The following VRK2 variants were observed in gnomAD, a reference collection of about 807,000 sequenced individuals.
The protein encoded by VRK2 is VRK serine/threonine kinase 2.
VRK2 carries 60 observed loss-of-function variants against 57.6 expected under a neutral mutation model. That is an observed-to-expected ratio of 1.04 (90% CI 0.85 to 1.29). The LOEUF (loss-of-function observed/expected upper bound fraction) is 1.29, where lower values mean the gene tolerates loss of function less well. VRK2 is among the 50% of genes most tolerant of loss of function. VRK2 has a pLI of 0.00. For synonymous variants in VRK2, 231 were observed against 199.2 expected (o/e 1.16, Z -1.35); for missense variants, 705 against 588.1 (o/e 1.20, Z -2.06).
intron 9 of VRK2, 120 bp from the exon 10 acceptor site, chr2:58,135,021 A>G: frequency 9.5e-7 from 1 of 1,047,342 alleles, no homozygotes; most frequent in Non-Finnish European, 1.4e-6. Flanking sequence ...GTGACAAAAA[A>G]AAAAGCATTG....
intron 11 of VRK2, among the ~76,000 whole-genome samples, chr2:58,144,163 A>G (rs1361423383): frequency 6.6e-6 from 1 of 151,862 alleles, no homozygotes; most frequent in Non-Finnish European, 1.5e-5. Context: ...ATACTGTATG[A>G]TCTCATTTAT....
intron 1 of VRK2, among the ~76,000 whole-genome samples, chr2:57,918,074 G>A (rs1234216020): frequency 6.6e-6 from 1 of 152,128 alleles, no homozygotes; most frequent in East Asian, 1.9e-4. Context: ...ATTCCAGCAT[G>A]TGAAGCTTAA....
chr2:58,047,081 C>G, intron 1 of VRK2: 1 of 685,724 alleles, frequency 1.5e-6, no homozygotes, highest in Non-Finnish European at 1.8e-6. Flanking sequence ...CAAGGCGTCC[C>G]CTTCTACTCA....
upstream of VRK2, among the ~76,000 whole-genome samples, chr2:58,044,732 G>A (rs183842324): frequency 9.3e-4 from 142 of 152,316 alleles, no homozygotes; most frequent in Non-Finnish European, 1.5e-3. Flanking sequence ...GAGTGGTCCA[G>A]GTGGCAGTAA....
intron 1 of VRK2, among the ~76,000 whole-genome samples, chr2:57,937,351 T>G (rs888136898): frequency 6.6e-6 from 1 of 152,228 alleles, no homozygotes; most frequent in Admixed American, 6.5e-5. Context: ...TTTTCTTTCT[T>G]TCTTTTCTTT....
At chr2:57,928,037 T>C (rs973828277) in intron 1 of VRK2, among the ~76,000 whole-genome samples, 3 of 152,190 alleles carry the variant, frequency 2.0e-5, no homozygotes, top group African/African-American at 7.2e-5. Context: ...CTTGGTGTTA[T>C]ATAACCTTCT....
At position 57,979,355 on chromosome 2, in the gene VRK2, G is replaced by C. The variant is rs188318398; in HGVS notation, c.-438-46310G>C. ...GTTTCCTGACTTTTTACTAATCGCT[G>C]TTCTGACTGGCATGCGATGGTATCT... is the stretch of plus-strand genomic sequence containing the variant. On this transcript the variant is annotated intron_variant, in intron 1 of 15. Transcript: ENST00000417641. Among the ~76,000 whole-genome samples the C allele has an allele frequency of 5.4e-4, 82 of 151,128 alleles. 2 individuals are homozygous for C. The highest frequency in any genetic ancestry group is 2.0e-3 in the African/African-American group (80 of 40,518).
At chr2:58,015,619 A>T (rs1673556735) in intron 1 of VRK2, among the ~76,000 whole-genome samples, 2 of 152,140 alleles carry the variant, frequency 1.3e-5, no homozygotes, top group Admixed American at 1.3e-4. Flanking sequence ...TTGTTATCAT[A>T]CATATTTATG....
At chr2:57,919,859 A>G (rs1474960600) in intron 1 of VRK2, among the ~76,000 whole-genome samples, 1 of 152,120 alleles carries the variant, frequency 6.6e-6, no homozygotes, top group Non-Finnish European at 1.5e-5. Flanking sequence ...AACAGAGATC[A>G]CATACCTCTT....
chr2:58,136,909 A>AT (rs1553421771), intron 10 of VRK2, among the ~76,000 whole-genome samples: 2 of 120,552 alleles, frequency 1.7e-5, no homozygotes, highest in Non-Finnish European at 3.1e-5. Context: ...TATATCATAT[A>AT]TATATCATAT....
At position 58,086,369 on chromosome 2, in the gene VRK2, ATTAT is replaced by A. The variant is rs1038436910; in HGVS notation, c.291_294del (p.Tyr97Ter). The A allele has an allele frequency of 6.2e-7, 1 of 1,605,188 alleles. No homozygotes were observed. The highest frequency in any genetic ancestry group is 1.3e-5 in the African/African-American group (1 of 74,532). On this transcript the variant is annotated frameshift_variant, in exon 5 of 13. Transcript: ENST00000340157. LOFTEE classifies it high-confidence loss of function. ...AAGTGGATAGAACGCAAACAACTTG[ATTAT>A]TTAGGAATTCCTCTGTTTTATGGAT...
At chr2:57,937,665 T>C (rs998357053) in intron 1 of VRK2, among the ~76,000 whole-genome samples, 3 of 152,060 alleles carry the variant, frequency 2.0e-5, no homozygotes, top group African/African-American at 4.8e-5. Context: ...TGTGTAGGAG[T>C]TGAACTTTTC....
intron 2 of VRK2, among the ~76,000 whole-genome samples, chr2:58,070,275 C>T (rs1441429163): frequency 6.6e-6 from 1 of 152,074 alleles, no homozygotes; most frequent in African/African-American, 2.4e-5. Flanking sequence ...GTCTTGAACT[C>T]CTAGGCTCAA....
intron 8 of VRK2, among the ~76,000 whole-genome samples, chr2:58,124,970 C>G (rs1678094203): frequency 6.6e-6 from 1 of 152,002 alleles, no homozygotes; most frequent in African/African-American, 2.4e-5. Context: ...ACGTATCTTA[C>G]ATTAAGAAAT....
intron 2 of VRK2, among the ~76,000 whole-genome samples, chr2:58,055,068 G>C (rs557033572): frequency 6.6e-6 from 1 of 152,166 alleles, no homozygotes; most frequent in Non-Finnish European, 1.5e-5. Context: ...GATGCAATGT[G>C]ATCCCAAGCA....
At chr2:57,955,425 A>G (rs556692511) in intron 1 of VRK2, among the ~76,000 whole-genome samples, 6 of 152,154 alleles carry the variant, frequency 3.9e-5, no homozygotes, top group Non-Finnish European at 7.4e-5. Flanking sequence ...AGCAAAATAT[A>G]AAAATGAGAG....
At chr2:58,002,210 G>T (rs1387321310) in intron 1 of VRK2, among the ~76,000 whole-genome samples, 1 of 152,224 alleles carries the variant, frequency 6.6e-6, no homozygotes, top group Admixed American at 6.5e-5. Flanking sequence ...GCTGGGCGTG[G>T]TGGTTCACGC....
upstream of VRK2, among the ~76,000 whole-genome samples, chr2:58,044,003 A>G (rs1027288507): frequency 2.6e-5 from 4 of 152,236 alleles, no homozygotes; most frequent in Non-Finnish European, 4.4e-5. Flanking sequence ...TAAAGATTAT[A>G]TAGAGTTTCT....
intron 5 of VRK2, among the ~76,000 whole-genome samples, chr2:58,087,750 A>T (rs1217672437): frequency 6.6e-6 from 1 of 152,184 alleles, no homozygotes; most frequent in African/African-American, 2.4e-5. Flanking sequence ...GCACTTTGAG[A>T]GGCTAAGGCA....
Sources: allele counts gnomAD v4.1 joint callset (sites outside exome capture counted in the v4.1 genomes callset), GRCh38; gene constraint gnomAD v4.1.1; transcripts MANE v1.5; gene names NCBI Gene and HGNC (gene_info 2026-07-23, HGNC 2026-07-21).